PHF11: variants seen among roughly 807,000 people sequenced by gnomAD.
The protein encoded by PHF11 is BRCA1 C-terminus-associated protein.
PHF11 carries 38 observed loss-of-function variants against 40.5 expected under a neutral mutation model. The ratio of observed to expected loss-of-function variants is 0.94; its 90% CI spans 0.72 to 1.23. The LOEUF is 1.23. Ranked by LOEUF, PHF11 falls within the 50% of genes most tolerant of loss-of-function variation. The pLI is 0.00. For synonymous variants in PHF11, 127 were observed against 138.2 expected, an observed-to-expected ratio of 0.92 and a Z score of 0.57; for missense variants, 369 against 392.4, an observed-to-expected ratio of 0.94 and a Z score of 0.50.
chr13:49,526,740 T>C (rs1428675082), intron 9 of PHF11, among the ~76,000 whole-genome samples: 1 of 152,120 alleles, frequency 6.6e-6, no homozygotes, highest in African/African-American at 2.4e-5. Context: ...GTTCTTTTAC[T>C]GCTATATTTT....
At position 49,526,463 on chromosome 13, in the gene PHF11, A is replaced by G. The variant is rs1449818538; in HGVS notation, c.841+5A>G. 2.0e-6 allele frequency: 3 copies of G among 1,513,196 alleles called. No homozygotes were observed. Among genetic ancestry groups the G allele is most frequent in the Non-Finnish European group, 1.8e-6 (2 of 1,088,144 alleles). The allele number at this position is 1,513,196 out of a possible 1,614,324, so 93.7% of individuals were successfully genotyped here. ...CATTTGTAAATTTTCAAGCAGGTAT[A>G]TGAGTTATATAACATCTGAGCAGCA... is the stretch of plus-strand genomic sequence containing the variant. On this transcript the variant is annotated splice_donor_5th_base_variant and intron_variant, in intron 9 of 9. Coordinates refer to ENST00000378319, the MANE Select transcript of PHF11 (RefSeq NM_001040443.3).
intron 2 of PHF11, among the ~76,000 whole-genome samples, chr13:49,508,816 C>T (rs1204457518): frequency 6.6e-6 from 1 of 152,100 alleles, no homozygotes; most frequent in Non-Finnish European, 1.5e-5. Flanking sequence ...GCGGTGATTA[C>T]AAGCAATTAA....
In PHF11 at chr13:49,496,264, G is replaced by C. The variant is rs1015014982; in HGVS notation, c.94+169G>C. The C allele has an allele frequency of 2.6e-5, 17 of 645,756 alleles. 1 individual carries two copies. In the Admixed American group the frequency reaches 6.8e-4, roughly 26 times the overall value. The allele number at this position is 645,756 out of a possible 1,614,324, so 40.0% of individuals were successfully genotyped here. A position where few individuals can be genotyped will look rare whatever the true frequency, so the allele number is the denominator to read the frequency against. On this transcript the variant is annotated intron_variant, in intron 1 of 9. Transcript: ENST00000378319. Reference sequence around the variant, plus strand: ...TGGACGAACTTGGCTCACCACTCGCGTGCCTGTTGGTGGGGGAGGGGGCCA... The same window carrying C: ...TGGACGAACTTGGCTCACCACTCGCCTGCCTGTTGGTGGGGGAGGGGGCCA...
chr13:49,521,366 A>G, intron 5 of PHF11: 2 of 988,734 alleles, frequency 2.0e-6, no homozygotes, highest in Non-Finnish European at 2.4e-6. Flanking sequence ...GGCTAACTGG[A>G]GTCATGGGGT....
At chr13:49,513,278 C>T in intron 3 of PHF11, 112 bp downstream of exon 3, 1 of 579,376 alleles carries the variant, frequency 1.7e-6, no homozygotes, top group Non-Finnish European at 3.1e-6. Context: ...TCTTGGAGAG[C>T]TGGAAGAAGT....
At chr13:49,505,343 C>T (rs923382475) in intron 1 of PHF11, among the ~76,000 whole-genome samples, 16 of 151,852 alleles carry the variant, frequency 1.1e-4, no homozygotes, top group Admixed American at 6.6e-5. Context: ...AGAAACTGAT[C>T]AGAATGTGAA....
In PHF11 at chr13:49,496,044, G is replaced by A. The variant is rs2139017875; in HGVS notation, c.43G>A (p.Ala15Thr). The A allele has an allele frequency of 1.4e-6, 2 of 1,472,312 alleles. No individual in the cohort carries two copies. The highest frequency in any genetic ancestry group is 2.4e-5 in the Admixed American group (1 of 41,376). 91.2% of individuals were successfully genotyped at this position (1,472,312 alleles called of 1,614,324 possible). ...GCCCCGGCCCGAGAGGGTGCTCGGC[G>A]CCAGCAGCCCGGAGGCCCGGCCCGC... is the stretch of plus-strand genomic sequence containing the variant. ...SPPRPERVLG[A>T]SSPEARPAQE... The change falls in exon 1 of 10, where the codon GCC becomes ACC. Residue 15 changes from alanine (A) to threonine (T), a missense_variant. Physicochemically the swap from Ala to Thr is moderately conservative, Grantham distance 58. Coordinates refer to ENST00000378319, the MANE Select transcript of PHF11 (RefSeq NM_001040443.3).
At chr13:49,517,073 T>C (rs963583200) in intron 3 of PHF11, among the ~76,000 whole-genome samples, 4 of 152,198 alleles carry the variant, frequency 2.6e-5, no homozygotes, top group African/African-American at 9.7e-5. Flanking sequence ...GAGGTAGGGA[T>C]CTAACTTTAT....
chr13:49,502,844 TC>T (rs1958928691), intron 1 of PHF11, among the ~76,000 whole-genome samples: 1 of 152,042 alleles, frequency 6.6e-6, no homozygotes, highest in South Asian at 2.1e-4. Flanking sequence ...TGCCTCAGCC[TC>T]CCGAGTAGCT....
chr13:49,501,676 A>G (rs1958909574), intron 1 of PHF11, among the ~76,000 whole-genome samples: 1 of 152,112 alleles, frequency 6.6e-6, no homozygotes, highest in South Asian at 2.1e-4. Context: ...TGAATAGTTT[A>G]ATTCTTTTTT....
At chr13:49,509,795 C>T (rs1959059332) in intron 2 of PHF11, among the ~76,000 whole-genome samples, 1 of 152,308 alleles carries the variant, frequency 6.6e-6, no homozygotes, top group South Asian at 2.1e-4. Flanking sequence ...ATTGTGAGGC[C>T]TCTCCAGCCA....
chr13:49,520,046 CTTTTG>C (rs540190948), intron 4 of PHF11, among the ~76,000 whole-genome samples: 8 of 151,820 alleles, frequency 5.3e-5, no homozygotes, highest in East Asian at 1.9e-4. Context: ...CACTTCATTT[CTTTTG>C]TTTTGTTTTG....
chr13:49,506,721 CA>C lies in PHF11; in HGVS notation c.183del (p.Gln61HisfsTer5). 6.2e-7 allele frequency: 1 copy of C among 1,608,044 alleles called. No homozygotes were observed. Among genetic ancestry groups the C allele is most frequent in the East Asian group, 2.2e-5 (1 of 44,822 alleles). On this transcript the variant is annotated frameshift_variant, in exon 2 of 10. Coordinates refer to ENST00000378319, the MANE Select transcript of PHF11 (RefSeq NM_001040443.3). LOFTEE classifies it high-confidence loss of function. Reference sequence around the variant, plus strand: ...CGAATATAATGTCCTATACTTTGCACAATCAGAGAATATAGCTGCTCATGAG... The same window carrying C: ...CGAATATAATGTCCTATACTTTGCACATCAGAGAATATAGCTGCTCATGAG... ...DVEYNVLYFAQSENIAAHENC... is the reference protein window; with the variant it reads ...DVEYNVLYFAXSENIAAHENC...
intron 3 of PHF11, among the ~76,000 whole-genome samples, chr13:49,516,660 C>T (rs1414022356): frequency 1.3e-5 from 2 of 151,742 alleles, no homozygotes; most frequent in African/African-American, 4.8e-5. Flanking sequence ...CACAGCTCAC[C>T]GCAGCCTTGA....
chr13:49,526,433 A>C lies in PHF11; in HGVS notation c.816A>C (p.Glu272Asp), dbSNP rs1412455755. 2 of 1,607,766 alleles carry C rather than the reference A, an allele frequency of 1.2e-6. No homozygotes were observed. Among genetic ancestry groups the C allele is most frequent in the Non-Finnish European group, 1.7e-6 (2 of 1,174,378 alleles). Residue 272 changes from glutamate to aspartate, a missense_variant, in exon 9 of 10, where the codon GAA (glutamate) becomes GAC (aspartate). Physicochemically the swap from Glu to Asp is conservative, Grantham distance 45. Transcript: ENST00000378319. ...CACTTTTTGACTGTAGATTGTTCGA[A>C]GACACATTTGTAAATTTTCAAGCAG... ...GSALFDCRLF[E>D]DTFVNFQAAI...
chr13:49,518,668 G>A (rs1436988037), intron 4 of PHF11: 2 of 152,142 alleles, frequency 1.3e-5, no homozygotes, highest in South Asian at 2.1e-4. Flanking sequence ...CTGGGGCCTT[G>A]AGACACTCAG....
intron 3 of PHF11, 135 bp downstream of exon 3, chr13:49,513,301 G>T: frequency 1.9e-6 from 1 of 530,226 alleles, no homozygotes; most frequent in Non-Finnish European, 3.3e-6. Flanking sequence ...GAACTGTATT[G>T]GAAACCTCAA....
At chr13:49,526,751 C>T (rs1959310300) in intron 9 of PHF11, among the ~76,000 whole-genome samples, 7 of 151,938 alleles carry the variant, frequency 4.6e-5, no homozygotes, top group Admixed American at 3.9e-4. Context: ...GCTATATTTT[C>T]CAGATTTTCT....
chr13:49,498,119 T>C (rs1040424910), intron 1 of PHF11, among the ~76,000 whole-genome samples: 2 of 152,238 alleles, frequency 1.3e-5, no homozygotes, highest in Non-Finnish European at 2.9e-5. Flanking sequence ...AAATTCGTCT[T>C]ACTCTCTTCT....
Sources: allele counts gnomAD v4.1 joint callset (sites outside exome capture counted in the v4.1 genomes callset), GRCh38; gene constraint gnomAD v4.1.1; transcripts MANE v1.5; gene names NCBI Gene and HGNC (gene_info 2026-07-23, HGNC 2026-07-21).